CPED1: variants seen among roughly 807,000 people sequenced by gnomAD.
CPED1 encodes the protein cadherin-like and PC-esterase domain-containing protein 1.
A neutral mutation model predicts 128.2 loss-of-function variants in CPED1; 114 were observed. That is an observed-to-expected ratio of 0.89 (90% CI 0.76 to 1.04). The LOEUF (loss-of-function observed/expected upper bound fraction) is 1.04. CPED1 is among the 50% of genes least tolerant of loss of function. The pLI, the probability that CPED1 is intolerant of heterozygous loss-of-function variation, is 0.00. For missense variants in CPED1, 1,211 were observed against 1,207.1 expected (o/e 1.00, Z -0.05); for synonymous variants, 462 against 426.7 (o/e 1.08, Z -1.02).
At chr7:121,236,173 A>G (rs1483701556) in intron 16 of CPED1, among the ~76,000 whole-genome samples, 1 of 152,154 alleles carries the variant, frequency 6.6e-6, no homozygotes, top group Non-Finnish European at 1.5e-5. Flanking sequence ...CAGACTATTG[A>G]AAACATTGCT....
chr7:121,178,497 A>C (rs898633727), intron 16 of CPED1, among the ~76,000 whole-genome samples: 31 of 152,060 alleles, frequency 2.0e-4, no homozygotes, highest in African/African-American at 7.2e-4. Context: ...GATCCACTTC[A>C]AGTACAATTG....
At chr7:121,113,655 G>GGGAA (rs1795166418) in intron 7 of CPED1, among the ~76,000 whole-genome samples, 2 of 151,788 alleles carry the variant, frequency 1.3e-5, no homozygotes, top group African/African-American at 2.4e-5. Context: ...GAGAGGGATG[G>GGGAA]GGAAGGAAGG....
intron 16 of CPED1, among the ~76,000 whole-genome samples, chr7:121,146,324 A>C (rs1391326686): frequency 6.6e-6 from 1 of 152,142 alleles, no homozygotes; most frequent in East Asian, 1.9e-4. Flanking sequence ...GCACTCATCC[A>C]TTTATGAGAG....
chr7:121,222,674 C>T (rs937734428), intron 16 of CPED1, among the ~76,000 whole-genome samples: 2 of 152,160 alleles, frequency 1.3e-5, no homozygotes, highest in African/African-American at 4.8e-5. Flanking sequence ...TCCTTCACAT[C>T]CCTCCTAAGT....
intron 5 of CPED1, among the ~76,000 whole-genome samples, chr7:121,077,156 A>G (rs556528017): frequency 6.6e-6 from 1 of 152,228 alleles, no homozygotes; most frequent in African/African-American, 2.4e-5. Context: ...ATTAACAGCA[A>G]TCAGTGGTGG....
chr7:121,214,028 C>A (rs2116602589), intron 16 of CPED1, among the ~76,000 whole-genome samples: 1 of 152,114 alleles, frequency 6.6e-6, no homozygotes, highest in East Asian at 1.9e-4. Context: ...TTTTCCTTAT[C>A]TTTCATGATC....
intron 7 of CPED1, among the ~76,000 whole-genome samples, chr7:121,121,333 T>C (rs528694000): frequency 1.4e-4 from 21 of 152,332 alleles, no homozygotes; most frequent in Admixed American, 1.1e-3. Context: ...AATGGATCAA[T>C]GTTGTAAAAA....
In CPED1 at chr7:121,064,319, C is replaced by A; in HGVS notation, c.616+6C>A. 2 of 1,600,454 alleles carry A rather than the reference C, an allele frequency of 1.2e-6. No homozygotes were observed. Among genetic ancestry groups the A allele is most frequent in the Non-Finnish European group, 1.7e-6 (2 of 1,167,822 alleles). On this transcript the variant is annotated splice_donor_region_variant and intron_variant, in intron 5 of 22. Transcript: ENST00000310396. ...AATAGTTAGAAGATTCCCAGGTAAT[C>A]TTTCGTTTGCTTCCTTAGGCTTAAA...
chr7:121,042,405 C>T (rs547750112), intron 3 of CPED1, among the ~76,000 whole-genome samples: 1 of 152,122 alleles, frequency 6.6e-6, no homozygotes, highest in Non-Finnish European at 1.5e-5. Context: ...GAGAGAAAGG[C>T]TAGAGCTGGA....
At chr7:121,048,570 C>T (rs1033745087) in intron 4 of CPED1, among the ~76,000 whole-genome samples, 5 of 151,982 alleles carry the variant, frequency 3.3e-5, no homozygotes, top group Non-Finnish European at 5.9e-5. Context: ...GACAAAGTCT[C>T]CCTCTGACAC....
chr7:120,995,572 T>C (rs564004783), intron 2 of CPED1, among the ~76,000 whole-genome samples: 1 of 152,322 alleles, frequency 6.6e-6, no homozygotes, highest in South Asian at 2.1e-4. Flanking sequence ...TGCTACCTTT[T>C]TCTAGAATAT....
intron 16 of CPED1, among the ~76,000 whole-genome samples, chr7:121,167,711 AC>A: frequency 7.0e-6 from 1 of 143,636 alleles, no homozygotes; most frequent in Middle Eastern, 3.6e-3. Context: ...ATTTTAGTTT[AC>A]CTTTTAAAGT....
At position 121,241,114 on chromosome 7, in the gene CPED1, C is replaced by T. The variant is rs1201259510; in HGVS notation, c.2174-3088C>T. Among the ~76,000 whole-genome samples, 3 of 52,170 alleles carry T rather than the reference C, an allele frequency of 5.8e-5. 1 individual carries two copies. Among genetic ancestry groups the T allele is most frequent in the Non-Finnish European group, 1.4e-4 (3 of 22,068 alleles). The allele number at this position is 52,170 out of a possible 152,430, so 34.2% of individuals were successfully genotyped here. On this transcript the variant is annotated intron_variant, in intron 17 of 22. Transcript: ENST00000310396. ...ATCCCAGCACTTTGGGAGGCCGAGG[C>T]GGGCGGATCACGAGGTCAGGAGATC...
chr7:121,290,562 G>T (rs1405045856), intron 22 of CPED1, among the ~76,000 whole-genome samples: 1 of 152,188 alleles, frequency 6.6e-6, no homozygotes, highest in East Asian at 1.9e-4. Context: ...GACCAGTGAT[G>T]ATGAGCTTTT....
At chr7:121,058,268 G>A (rs1793553983) in intron 4 of CPED1, among the ~76,000 whole-genome samples, 1 of 152,056 alleles carries the variant, frequency 6.6e-6, no homozygotes, top group Non-Finnish European at 1.5e-5. Flanking sequence ...GAGTCCATTG[G>A]CATTTTTACA....
chr7:121,252,379 G>A (rs1798694404), intron 18 of CPED1, among the ~76,000 whole-genome samples: 1 of 152,028 alleles, frequency 6.6e-6, no homozygotes, highest in Non-Finnish European at 1.5e-5. Flanking sequence ...AGAAAACCTA[G>A]GCAATACCAT....
At chr7:121,077,666 T>C (rs1001850328) in intron 5 of CPED1, among the ~76,000 whole-genome samples, 3 of 150,824 alleles carry the variant, frequency 2.0e-5, no homozygotes. Context: ...ACATTATATA[T>C]ATATGTATTA....
In CPED1 at chr7:121,261,804, A is replaced by G. The variant is rs1351808740; in HGVS notation, c.2311-4423A>G. ...CTTTAATTGGGTTTGACCTATTCCA[A>G]GTTTTTTGGGCTATCTGTTACAGTG... On this transcript the variant is annotated intron_variant, in intron 18 of 22. Coordinates refer to ENST00000310396, the MANE Select transcript of CPED1 (RefSeq NM_024913.5). 3.6e-6 allele frequency: 5 copies of G among 1,398,182 alleles called. No individual in the cohort carries two copies. In the South Asian group the frequency reaches 6.5e-5, roughly 18 times the overall value. 86.6% of individuals were successfully genotyped at this position (1,398,182 alleles called of 1,614,324 possible). A position where few individuals can be genotyped will look rare whatever the true frequency, so the allele number is the denominator to read the frequency against.
intron 16 of CPED1, among the ~76,000 whole-genome samples, chr7:121,153,188 T>C (rs1254835989): frequency 6.6e-6 from 1 of 152,200 alleles, no homozygotes; most frequent in Non-Finnish European, 1.5e-5. Context: ...GAATGAGGCA[T>C]AATCATAATG....
Sources: gnomAD v4.1 joint callset for allele counts (sites outside exome capture counted in the v4.1 genomes callset) on GRCh38, gnomAD v4.1.1 for gene constraint, MANE v1.5 for transcripts, NCBI Gene and HGNC (gene_info 2026-07-23, HGNC 2026-07-21) for gene names.